ROBO1: variants seen among roughly 807,000 people sequenced by gnomAD.
ROBO1 encodes the protein roundabout homolog 1.
A neutral mutation model predicts 195.9 loss-of-function variants in ROBO1; 149 were observed. That is an observed-to-expected ratio of 0.76 (90% CI 0.67 to 0.87). The LOEUF is 0.87. Ranked by LOEUF, ROBO1 falls within the 40% of genes least tolerant of loss-of-function variation. The pLI, the probability that ROBO1 is intolerant of heterozygous loss-of-function variation, is 0.00. For synonymous variants in ROBO1, 816 were observed against 733.2 expected, an observed-to-expected ratio of 1.11 and a Z score of -1.82; for missense variants, 1,933 against 2,068.3, an observed-to-expected ratio of 0.93 and a Z score of 1.27.
intron 2 of ROBO1, among the ~76,000 whole-genome samples, chr3:79,425,575 C>CA (rs1166113992): frequency 6.6e-6 from 1 of 151,972 alleles, no homozygotes; most frequent in Non-Finnish European, 1.5e-5. Context: ...TTAGTAGACA[C>CA]AAAAAACCCA....
intron 4 of ROBO1, among the ~76,000 whole-genome samples, chr3:78,851,825 G>T (rs1024625893): frequency 6.6e-6 from 1 of 152,012 alleles, no homozygotes; most frequent in Non-Finnish European, 1.5e-5. Flanking sequence ...ATCAGTCATT[G>T]CTGTTGAGAT....
In ROBO1 at chr3:79,485,399, C is replaced by T. The variant is rs139699385; in HGVS notation, c.88+104425G>A. On this transcript the variant is annotated intron_variant, in intron 2 of 30. Transcript: ENST00000464233. ...ATAATCACAATCATATATATGAAAA[C>T]GGAATAAGTAATGACATTATTACAA... is the stretch of plus-strand genomic sequence containing the variant. Among the ~76,000 whole-genome samples, 201 of 151,606 alleles carry T rather than the reference C, an allele frequency of 1.3e-3. 2 individuals are homozygous for T. The East Asian group carries it at 0.026, about 20-fold the overall frequency.
intron 3 of ROBO1, among the ~76,000 whole-genome samples, chr3:79,007,632 A>C (rs988582788): frequency 1.3e-5 from 2 of 152,336 alleles, no homozygotes; most frequent in Admixed American, 6.5e-5. Flanking sequence ...GCATGTTTTA[A>C]AATTATTTGT....
intron 2 of ROBO1, among the ~76,000 whole-genome samples, chr3:79,476,731 G>C (rs1938564026): frequency 6.6e-6 from 1 of 151,972 alleles, no homozygotes; most frequent in African/African-American, 2.4e-5. Flanking sequence ...AAAGGCATAA[G>C]AATGATACAA....
intron 3 of ROBO1, among the ~76,000 whole-genome samples, chr3:79,095,651 T>C (rs1036390295): frequency 2.0e-5 from 3 of 152,116 alleles, no homozygotes; most frequent in African/African-American, 7.2e-5. Flanking sequence ...AAATAATTGT[T>C]GTTTTAAGCT....
chr3:79,474,181 T>C (rs1251810721), intron 2 of ROBO1, among the ~76,000 whole-genome samples: 1 of 152,132 alleles, frequency 6.6e-6, no homozygotes, highest in East Asian at 1.9e-4. Context: ...TTTAGATATC[T>C]GTAGTAAAGA....
intron 8 of ROBO1, among the ~76,000 whole-genome samples, chr3:78,699,301 C>T (rs2081366638): frequency 6.7e-6 from 1 of 149,400 alleles, no homozygotes; most frequent in South Asian, 2.1e-4. Context: ...GTAATCCTAA[C>T]ACTTTGGGAG....
At chr3:79,365,433 G>A (rs983612247) in intron 2 of ROBO1, among the ~76,000 whole-genome samples, 1 of 152,126 alleles carries the variant, frequency 6.6e-6, no homozygotes, top group Non-Finnish European at 1.5e-5. Flanking sequence ...TGCGTCGGTT[G>A]CTACTTAGTC....
chr3:79,199,492 T>A (rs1315208661), intron 2 of ROBO1, among the ~76,000 whole-genome samples: 1 of 151,762 alleles, frequency 6.6e-6, no homozygotes, highest in East Asian at 1.9e-4. Flanking sequence ...TTCAGGTAGG[T>A]GTATTAATTC....
chr3:78,633,646 A>C (rs886453946), intron 24 of ROBO1, among the ~76,000 whole-genome samples: 4 of 152,160 alleles, frequency 2.6e-5, no homozygotes, highest in African/African-American at 9.7e-5. Context: ...ACGGGGAAAA[A>C]GTTTCAACTG....
chr3:78,717,519 G>C, intron 6 of ROBO1, 106 bp from the exon 7 acceptor site: 1 of 1,088,698 alleles, frequency 9.2e-7, no homozygotes, highest in Non-Finnish European at 1.3e-6. Context: ...ATATCAGCGA[G>C]GAAATTATTC....
intron 18 of ROBO1, 129 bp downstream of exon 18, chr3:78,656,969 G>T: frequency 2.5e-6 from 2 of 809,690 alleles, no homozygotes; most frequent in South Asian, 4.3e-5. Flanking sequence ...ACACCTTTTT[G>T]TAGCTCTAAG....
At chr3:79,006,575 C>T (rs545372170) in intron 3 of ROBO1, among the ~76,000 whole-genome samples, 8 of 152,038 alleles carry the variant, frequency 5.3e-5, no homozygotes, top group South Asian at 2.1e-4. Flanking sequence ...TATTTAAAAA[C>T]GCAGAATTAT....
At chr3:79,304,529 T>C (rs1425838631) in intron 2 of ROBO1, among the ~76,000 whole-genome samples, 2 of 152,144 alleles carry the variant, frequency 1.3e-5, no homozygotes, top group Non-Finnish European at 2.9e-5. Flanking sequence ...TCTTTCACTC[T>C]CTCCACCCCA....
At chr3:79,482,612 C>T (rs1408441185) in intron 2 of ROBO1, among the ~76,000 whole-genome samples, 2 of 152,158 alleles carry the variant, frequency 1.3e-5, no homozygotes, top group East Asian at 3.9e-4. Flanking sequence ...TCTTTGTTAG[C>T]AGCATAAAAA....
chr3:79,485,488 G>A (rs1939111299), intron 2 of ROBO1, among the ~76,000 whole-genome samples: 2 of 152,058 alleles, frequency 1.3e-5, no homozygotes, highest in South Asian at 4.1e-4. Context: ...TTTCAAGTTT[G>A]AAAATGGCCT....
At chr3:79,058,070 T>C (rs1576624168) in intron 3 of ROBO1, among the ~76,000 whole-genome samples, 2 of 151,944 alleles carry the variant, frequency 1.3e-5, no homozygotes, top group Middle Eastern at 3.4e-3. Flanking sequence ...TTAAGAAAAA[T>C]GAAAGGGGGA....
chr3:79,470,994 G>A (rs1423414712), intron 2 of ROBO1, among the ~76,000 whole-genome samples: 2 of 152,090 alleles, frequency 1.3e-5, no homozygotes, highest in Non-Finnish European at 2.9e-5. Context: ...TGTATATACT[G>A]TAGAGTGGAA....
intron 2 of ROBO1, among the ~76,000 whole-genome samples, chr3:79,504,564 G>A (rs1321654391): frequency 6.6e-6 from 1 of 152,124 alleles, no homozygotes; most frequent in Non-Finnish European, 1.5e-5. Context: ...CCAATGAAGA[G>A]TTTAAGTGAA....
Sources: allele counts gnomAD v4.1 joint callset (sites outside exome capture counted in the v4.1 genomes callset), GRCh38; gene constraint gnomAD v4.1.1; transcripts MANE v1.5; gene names NCBI Gene and HGNC (gene_info 2026-07-23, HGNC 2026-07-21).